Variants in OTOGL observed in about 807,000 individuals in gnomAD.
The protein encoded by OTOGL is otogelin like.
A neutral mutation model predicts 318.5 loss-of-function variants in OTOGL; 285 were observed. The ratio of observed to expected loss-of-function variants is 0.89; its 90% CI spans 0.81 to 0.99. OTOGL has a LOEUF of 0.99. Ranked by LOEUF, OTOGL falls within the 50% of genes least tolerant of loss-of-function variation. The pLI, the probability that OTOGL is intolerant of heterozygous loss-of-function variation, is 0.00. For synonymous variants in OTOGL, 987 were observed against 936.5 expected (o/e 1.05, Z -0.99); for missense variants, 2,899 against 2,845.6 (o/e 1.02, Z -0.43).
chr12:80,316,655 T>C lies in OTOGL; in HGVS notation c.3635-1891T>C, dbSNP rs1232878764. On this transcript the variant is annotated intron_variant, in intron 32 of 58. Transcript: ENST00000547103. ...GAGTGGCAGGCAAATAAATTTACTA[T>C]GATCAAAGTAATGGAGAAACGCATC... Among the ~76,000 whole-genome samples, 3 of 152,138 alleles carry C rather than the reference T, an allele frequency of 2.0e-5. No individual in the cohort carries two copies. The East Asian group carries it at 5.8e-4, about 29-fold the overall frequency.
At chr12:80,331,838 T>C (rs1888091828) in intron 37 of OTOGL, among the ~76,000 whole-genome samples, 1 of 152,032 alleles carries the variant, frequency 6.6e-6, no homozygotes, top group Admixed American at 6.5e-5. Flanking sequence ...GTGGCACCAA[T>C]GTAATCACAA....
At chr12:80,132,617 G>T (rs1871308989) in intron 1 of OTOGL, 1 of 151,520 alleles carries the variant, frequency 6.6e-6, no homozygotes, top group Non-Finnish European at 1.5e-5. Flanking sequence ...CTCAATGAAG[G>T]TATTAAACTA....
At chr12:80,372,690 A>ATT (rs112869179) in intron 57 of OTOGL, among the ~76,000 whole-genome samples, 177 of 149,088 alleles carry the variant, frequency 1.2e-3, no homozygotes, top group African/African-American at 3.7e-3. Flanking sequence ...TTTCATAGTA[A>ATT]TTGTTTTTTT....
intron 7 of OTOGL, among the ~76,000 whole-genome samples, chr12:80,227,402 T>A (rs1878959208): frequency 6.6e-6 from 1 of 152,202 alleles, no homozygotes; most frequent in Admixed American, 6.6e-5. Flanking sequence ...GTTTTTTATT[T>A]CTTTGATTCC....
At chr12:80,303,093 C>G (rs570468029) in intron 28 of OTOGL, among the ~76,000 whole-genome samples, 1 of 152,246 alleles carries the variant, frequency 6.6e-6, no homozygotes, top group African/African-American at 2.4e-5. Context: ...TTACAAACTG[C>G]GTTCCATGTT....
intron 26 of OTOGL, among the ~76,000 whole-genome samples, chr12:80,282,387 T>C (rs74108577): frequency 0.051 from 7,774 of 151,980 alleles, 645 homozygotes; most frequent in African/African-American, 0.18. Flanking sequence ...GGAAGGTTCT[T>C]GCTTATGTTT....
chr12:80,318,411 G>A (rs1421558677), intron 32 of OTOGL, 135 bp from the exon 33 acceptor site: 5 of 520,782 alleles, frequency 9.6e-6, no homozygotes, highest in South Asian at 1.7e-4. Context: ...GAAGAATTCA[G>A]TTATTTTATT....
intron 30 of OTOGL, among the ~76,000 whole-genome samples, chr12:80,311,077 GTGCAGTTTAAAAGTAT>G (rs1469795668): frequency 1.3e-5 from 2 of 152,160 alleles, no homozygotes; most frequent in Non-Finnish European, 2.9e-5. Flanking sequence ...TCAACTCAAA[GTGCAGTTTAAAAGTAT>G]TGCTTGTAGC....
rs1332207351 is a variant in OTOGL, at chr12:80,303,309, C to T, written c.3213+526C>T. Among the ~76,000 whole-genome samples, 4 of 152,164 alleles carry T rather than the reference C, an allele frequency of 2.6e-5. No individual in the cohort carries two copies. The South Asian group carries it at 6.2e-4, about 24-fold the overall frequency. ...TAGCTGGGACTACAGGCGCCAGCCA[C>T]TATGCAGGGCTAATTTTTTGTATTT... On this transcript the variant is annotated intron_variant, in intron 28 of 58. Coordinates refer to ENST00000547103, the MANE Select transcript of OTOGL (RefSeq NM_001378609.3).
At chr12:80,308,802 C>CA (rs941133286) in intron 29 of OTOGL, among the ~76,000 whole-genome samples, 3 of 152,174 alleles carry the variant, frequency 2.0e-5, no homozygotes, top group Non-Finnish European at 4.4e-5. Flanking sequence ...CCGTCTCCAC[C>CA]AAAAAAATAC....
intron 1 of OTOGL, among the ~76,000 whole-genome samples, chr12:80,150,242 T>C (rs1872702338): frequency 6.6e-6 from 1 of 152,240 alleles, no homozygotes; most frequent in Non-Finnish European, 1.5e-5. Flanking sequence ...GCCAAACTTC[T>C]TTCAAGAATT....
intron 30 of OTOGL, among the ~76,000 whole-genome samples, chr12:80,312,385 A>G (rs773990726): frequency 6.6e-5 from 10 of 152,260 alleles, no homozygotes; most frequent in Non-Finnish European, 1.5e-4. Context: ...CTTAGCATAT[A>G]TAAATATTTT....
At chr12:80,328,860 A>G (rs1887881346) in intron 36 of OTOGL, 116 bp downstream of exon 36, 1 of 1,100,244 alleles carries the variant, frequency 9.1e-7, no homozygotes, top group South Asian at 1.5e-5. Flanking sequence ...TCATAAGATT[A>G]TTCTTCAATG....
chr12:80,155,471 T>A (rs993106238), intron 1 of OTOGL, among the ~76,000 whole-genome samples: 6 of 152,188 alleles, frequency 3.9e-5, no homozygotes, highest in African/African-American at 1.4e-4. Flanking sequence ...TTTTAATTTT[T>A]AATTTTTGTG....
At chr12:80,265,387 T>C (rs982981755) in intron 20 of OTOGL, 177 bp downstream of exon 20, 18 of 737,082 alleles carry the variant, frequency 2.4e-5, no homozygotes, top group African/African-American at 2.1e-4. Context: ...ATTGGAGATA[T>C]GTTGGATAAG....
intron 44 of OTOGL, chr12:80,343,526 T>TTTTTTTTTTTTTC (rs1555301044): frequency 1.7e-5 from 2 of 118,160 alleles, no homozygotes; most frequent in Admixed American, 8.8e-5. Context: ...TTTTTTTTTT[T>TTTTTTTTTTTTTC]TTTTTTTTTT....
intron 9 of OTOGL, among the ~76,000 whole-genome samples, chr12:80,236,633 T>C (rs982419679): frequency 6.6e-6 from 1 of 152,184 alleles, no homozygotes. Flanking sequence ...AATGTAACTA[T>C]AAGTGTACTT....
intron 35 of OTOGL, among the ~76,000 whole-genome samples, chr12:80,324,886 T>C (rs1012735302): frequency 6.6e-6 from 1 of 152,140 alleles, no homozygotes; most frequent in Non-Finnish European, 1.5e-5. Context: ...TTTAATGAGA[T>C]AAGGAAGATG....
At chr12:80,193,421 C>A in intron 1 of OTOGL, among the ~76,000 whole-genome samples, 1 of 151,956 alleles carries the variant, frequency 6.6e-6, no homozygotes, top group East Asian at 1.9e-4. Flanking sequence ...GAGGCTGAGG[C>A]AAGAGAATCA....
Sources: allele counts gnomAD v4.1 joint callset (sites outside exome capture counted in the v4.1 genomes callset), GRCh38; gene constraint gnomAD v4.1.1; transcripts MANE v1.5; gene names NCBI Gene and HGNC (gene_info 2026-07-23, HGNC 2026-07-21).